The following LRP2 variants were observed in gnomAD, a reference collection of about 807,000 sequenced individuals.
LRP2 encodes the protein LDL receptor related protein 2.
Under a neutral mutation model 531.0 loss-of-function variants are expected in LRP2, and 172 were observed. The ratio of observed to expected loss-of-function variants is 0.32; its 90% confidence interval spans 0.29 to 0.37. LRP2 has a LOEUF of 0.37. Ranked by LOEUF, LRP2 falls within the 10% of genes least tolerant of loss-of-function variation. The pLI, the probability that LRP2 is intolerant of heterozygous loss-of-function variation, is 1.00. For missense variants in LRP2, 5,167 were observed against 5,868.3 expected (o/e 0.88, Z 3.90); for synonymous variants, 1,992 against 2,027.6 (o/e 0.98, Z 0.47).
At position 169,226,811 on chromosome 2, in the gene LRP2, A is replaced by G. The variant is rs72876254; in HGVS notation, c.5228-223T>C. ...CAACCCCACATACAACGCTGTCTGG[A>G]CTTTTTCAAGGCAGGTTGGTATTTA... On this transcript the variant is annotated intron_variant, in intron 31 of 78. Coordinates refer to ENST00000649046, the MANE Select transcript of LRP2 (RefSeq NM_004525.3). Among the ~76,000 whole-genome samples the G allele has an allele frequency of 0.026, 3,946 of 152,238 alleles. 66 individuals are homozygous for G. The highest frequency in any genetic ancestry group is 0.042 in the Admixed American group (636 of 15,286).
In LRP2 at chr2:169,312,998, CTA is replaced by C. The variant is rs1684657711; in HGVS notation, c.311-5603_311-5602del. 3.3e-5 allele frequency among the ~76,000 whole-genome samples: 5 copies of C among 152,316 alleles called. No homozygotes were observed. The East Asian group carries it at 9.6e-4, about 29-fold the overall frequency. On this transcript the variant is annotated intron_variant, in intron 3 of 78. Transcript: ENST00000649046. ...CCTTTATTCCAGTTGATCGAAACGG[CTA>C]TTGACGCTTGTGCATGCATCACGTA...
Position 169,154,534 on chromosome 2 carries a change from A to T in LRP2, c.12221T>A (p.Phe4074Tyr). The change falls in exon 66 of 79, where the codon TTC becomes TAC. Residue 4074 changes from phenylalanine to tyrosine, a missense_variant. Phe to Tyr is a conservative substitution (Grantham distance 22). Transcript: ENST00000649046. ...TTCCTCATCTTGAAGATACTCTGAG[A>T]ACCTCTCAGATGAGAGATTATATTT... ...IRKYNLSSER[F>Y]SEYLQDEEYI... 1.2e-6 allele frequency: 2 copies of T among 1,613,002 alleles called. No individual in the cohort carries two copies. The highest frequency in any genetic ancestry group is 1.7e-6 in the Non-Finnish European group (2 of 1,179,048).
intron 76 of LRP2, among the ~76,000 whole-genome samples, chr2:169,134,590 C>T (rs1318288867): frequency 1.3e-5 from 2 of 152,156 alleles, no homozygotes; most frequent in Non-Finnish European, 2.9e-5. Context: ...GCTATAGTAT[C>T]TTCCACATCT....
At chr2:169,173,010 A>C in intron 57 of LRP2, 86 bp downstream of exon 57, 70 of 1,380,986 alleles carry the variant, frequency 5.1e-5, no homozygotes, top group Non-Finnish European at 6.3e-5. Context: ...GACATGGGAA[A>C]TACACTCTCA....
chr2:169,147,910 T>C (rs1685976334), intron 68 of LRP2, among the ~76,000 whole-genome samples: 1 of 151,040 alleles, frequency 6.6e-6, no homozygotes, highest in South Asian at 2.1e-4. Context: ...TTTTCTTTCT[T>C]TTCTTAAATT....
chr2:169,169,224 C>T (rs1686900707), intron 60 of LRP2, among the ~76,000 whole-genome samples: 1 of 152,344 alleles, frequency 6.6e-6, no homozygotes, highest in Middle Eastern at 3.4e-3. Context: ...CTCAGTCTCT[C>T]ATCCCACCTG....
rs754730118 is a variant in LRP2 at position 169,320,850 on chromosome 2, C to T, written c.114G>A (p.Gly38=). Residue 38 remains glycine, a synonymous_variant, in exon 2 of 79, where the codon GGG becomes GGA. Coordinates refer to ENST00000649046, the MANE Select transcript of LRP2 (RefSeq NM_004525.3). ...ACCTCCAGTCTGCAGGGATGCAATG[C>T]CCACTTCCACAGCGAAAATGCGCAC... ...CDSAHFRCGS[G]HCIPADWRCD... 1 of 1,614,084 alleles carries T rather than the reference C, an allele frequency of 6.2e-7. No individual in the cohort carries two copies. Among genetic ancestry groups the T allele is most frequent in the Non-Finnish European group, 8.5e-7 (1 of 1,179,942 alleles).
chr2:169,284,352 C>A (rs139562871), intron 9 of LRP2, among the ~76,000 whole-genome samples: 1,978 of 147,382 alleles, frequency 0.013, 44 homozygotes, highest in African/African-American at 0.047. Flanking sequence ...GCAACCTCCG[C>A]CTCCCGGGTT....
In LRP2 at chr2:169,292,281, A is replaced by G; in HGVS notation, c.741T>C (p.Cys247=). ...ATCCATCTTCATCTCCATTATCTTT[A>G]CAGTCATCTTCTCCATCACAAACCC... ...QNWVCDGEDD[C]KDNGDEDGCE... Residue 247 remains cysteine (C), a synonymous_variant, in exon 7 of 79, where the codon TGT becomes TGC. Transcript: ENST00000649046. The G allele has an allele frequency of 4.3e-6, 7 of 1,613,568 alleles. No homozygotes were observed. Among genetic ancestry groups the G allele is most frequent in the Non-Finnish European group, 5.9e-6 (7 of 1,179,478 alleles).
rs1051668841 is a variant in LRP2, at chr2:169,185,537, C to T, written c.9811G>A (p.Ala3271Thr). Reference sequence around the variant, plus strand: ...CAGTCTACAGCCAGACTTTCTGCAGCTGGTAGTCTGTGGTTTATGATTGTC... The same window carrying T: ...CAGTCTACAGCCAGACTTTCTGCAGTTGGTAGTCTGTGGTTTATGATTGTC... ...KETIINHRLP[A>T]AESLAVDWVS... The change falls in exon 50 of 79, where the codon GCT becomes ACT. Residue 3271 changes from alanine (A) to threonine (T), a missense_variant. Physicochemically the swap from Ala to Thr is moderately conservative, Grantham distance 58. Transcript: ENST00000649046. 1.2e-5 allele frequency: 19 copies of T among 1,613,634 alleles called. No homozygotes were observed. In the African/African-American group the frequency reaches 2.3e-4, roughly 19 times the overall value.
chr2:169,176,381 G>C (rs977423485), intron 54 of LRP2, 30 bp downstream of exon 54: 5 of 1,613,472 alleles, frequency 3.1e-6, no homozygotes, highest in Non-Finnish European at 4.2e-6. Flanking sequence ...GGCTAGAGAG[G>C]CACTGAGGAG....
intron 1 of LRP2, among the ~76,000 whole-genome samples, chr2:169,342,705 T>C (rs1399912840): frequency 6.6e-6 from 1 of 152,142 alleles, no homozygotes; most frequent in Admixed American, 6.6e-5. Context: ...CTCCCAAACT[T>C]CTATTATAGA....
chr2:169,152,692 A>G, intron 67 of LRP2, 107 bp downstream of exon 67: 1 of 1,269,546 alleles, frequency 7.9e-7, no homozygotes, highest in African/African-American at 1.5e-5. Flanking sequence ...CCCATGGCTG[A>G]GTGTACTCAT....
intron 1 of LRP2, among the ~76,000 whole-genome samples, chr2:169,328,195 G>T (rs1322353999): frequency 8.3e-6 from 1 of 120,742 alleles, no homozygotes; most frequent in Admixed American, 7.9e-5. Context: ...AGGTGGGGGG[G>T]TCAGCGCCCC....
intron 58 of LRP2, among the ~76,000 whole-genome samples, chr2:169,171,060 T>C (rs1300928796): frequency 1.3e-5 from 2 of 151,582 alleles, no homozygotes; most frequent in Admixed American, 1.3e-4. Context: ...CATGCCCAGC[T>C]TGATTTTATC....
At chr2:169,270,828 T>C (rs1007265277) in intron 16 of LRP2, 76 bp downstream of exon 16, 13 of 894,560 alleles carry the variant, frequency 1.5e-5, no homozygotes, top group Non-Finnish European at 2.2e-5. Context: ...GTTTTAATTA[T>C]CAAGTTGTAA....
At position 169,142,530 on chromosome 2, in the gene LRP2, T is replaced by C. The variant is rs141062718; in HGVS notation, c.13108+144A>G. ...GCCCCCTAAGTCCCACTCAACTCTG[T>C]TCATACCTCCCACATCCCTTAACCC... On this transcript the variant is annotated intron_variant, in intron 71 of 78. Transcript: ENST00000649046. The C allele has an allele frequency of 9.3e-4, 1,050 of 1,131,730 alleles. 7 individuals are homozygous for C. The African/African-American group carries it at 0.014, about 15-fold the overall frequency. 70.1% of individuals were successfully genotyped at this position (1,131,730 alleles called of 1,614,324 possible). A position where few individuals can be genotyped will look rare whatever the true frequency, so the allele number is the denominator to read the frequency against.
chr2:169,343,220 T>C, intron 1 of LRP2, among the ~76,000 whole-genome samples: 1 of 152,222 alleles, frequency 6.6e-6, no homozygotes, highest in East Asian at 1.9e-4. Context: ...TTGGCAACTT[T>C]ACATTTGGAT....
chr2:169,197,682 C>G (rs1402796621), intron 45 of LRP2, among the ~76,000 whole-genome samples: 4 of 152,204 alleles, frequency 2.6e-5, no homozygotes, highest in Non-Finnish European at 5.9e-5. Context: ...TTTGCTTTGG[C>G]CCCTGATATC....
Sources: allele counts gnomAD v4.1 joint callset (sites outside exome capture counted in the v4.1 genomes callset), GRCh38; gene constraint gnomAD v4.1.1; transcripts MANE v1.5; gene names NCBI Gene and HGNC (gene_info 2026-07-23, HGNC 2026-07-21).